The following LYST variants were observed in gnomAD, a reference collection of about 807,000 sequenced individuals.
LYST encodes lysosomal-trafficking regulator.
Under a neutral mutation model 413.6 loss-of-function variants are expected in LYST, and 192 were observed. The observed-to-expected ratio is 0.46, with a 90% CI of 0.41 to 0.52. LYST has a LOEUF of 0.52. LYST is among the 20% of genes least tolerant of loss of function. The pLI is 0.00. For synonymous variants in LYST, 1,525 were observed against 1,567.3 expected (o/e 0.97, Z 0.64); for missense variants, 3,815 against 4,499.9 (o/e 0.85, Z 4.35).
intron 50 of LYST, among the ~76,000 whole-genome samples, chr1:235,673,903 C>T (rs1267840177): frequency 1.3e-5 from 2 of 152,186 alleles, no homozygotes; most frequent in Non-Finnish European, 2.9e-5. Flanking sequence ...AAATATTCCG[C>T]TCACACCTTA....
rs1354281651 is a variant in LYST, at chr1:235,695,777, A to G, written c.10564+1306T>C. 3.3e-5 allele frequency among the ~76,000 whole-genome samples: 5 copies of G among 151,216 alleles called. No homozygotes were observed. The East Asian group carries it at 9.8e-4, about 30-fold the overall frequency. ...CCTCCCGAGTAGCTGGGACTACAGG[A>G]GCCCGCCACCACGCCCGGCTAATTT... is the stretch of plus-strand genomic sequence containing the variant. On this transcript the variant is annotated intron_variant, in intron 46 of 52. Transcript: ENST00000389793.
At chr1:235,712,506 G>A in intron 42 of LYST, 1 of 737,548 alleles carries the variant, frequency 1.4e-6, no homozygotes, top group Non-Finnish European at 1.7e-6. Context: ...AGGGCCCTGG[G>A]ATATCACCCA....
At chr1:235,836,448 A>T (rs1169298841) in intron 1 of LYST, among the ~76,000 whole-genome samples, 1 of 152,228 alleles carries the variant, frequency 6.6e-6, no homozygotes, top group Non-Finnish European at 1.5e-5. Flanking sequence ...ATGGACAAGG[A>T]AGGTCTGAAG....
intron 29 of LYST, among the ~76,000 whole-genome samples, chr1:235,745,224 T>A (rs567962131): frequency 1.7e-4 from 26 of 152,344 alleles, no homozygotes; most frequent in African/African-American, 6.0e-4. Flanking sequence ...CACTTTTTTT[T>A]ATGTGTGATG....
chr1:235,768,062 C>G (rs570517078), intron 20 of LYST, among the ~76,000 whole-genome samples: 17 of 152,214 alleles, frequency 1.1e-4, no homozygotes, highest in Admixed American at 5.2e-4. Context: ...CCTCAGTCCT[C>G]TGATTCTCTC....
Position 235,746,542 on chromosome 1 carries a change from A to T in LYST, c.7781-15T>A. ...TTTTCGAGGACCTTTAAAAGTATAT[A>T]AATTAAAACATCAAATCCCAGTGTT... On this transcript the variant is annotated splice_polypyrimidine_tract_variant and intron_variant, in intron 28 of 52. Coordinates refer to ENST00000389793, the MANE Select transcript of LYST (RefSeq NM_000081.4). 1 of 1,583,430 alleles carries T rather than the reference A, an allele frequency of 6.3e-7. No homozygotes were observed. Among genetic ancestry groups the T allele is most frequent in the Non-Finnish European group, 8.7e-7 (1 of 1,154,586 alleles).
intron 50 of LYST, among the ~76,000 whole-genome samples, chr1:235,673,328 C>T (rs777740320): frequency 2.6e-5 from 4 of 151,874 alleles, no homozygotes; most frequent in Admixed American, 2.0e-4. Flanking sequence ...TTTGTTATAC[C>T]CTGCAGGAAC....
intron 12 of LYST, 87 bp downstream of exon 12, chr1:235,791,612 A>G (rs1485797300): frequency 9.1e-7 from 1 of 1,099,588 alleles, no homozygotes; most frequent in African/African-American, 1.5e-5. Flanking sequence ...AAGAGTGTTA[A>G]GAACACTACC....
At chr1:235,726,335 G>A (rs1663869033) in intron 38 of LYST, among the ~76,000 whole-genome samples, 1 of 151,868 alleles carries the variant, frequency 6.6e-6, no homozygotes, top group Non-Finnish European at 1.5e-5. Flanking sequence ...TATAAGTAGA[G>A]GCAGGGAATA....
At chr1:235,692,314 T>C (rs760786459) in intron 47 of LYST, among the ~76,000 whole-genome samples, 8 of 150,614 alleles carry the variant, frequency 5.3e-5, no homozygotes, top group African/African-American at 1.9e-4. Context: ...GCCTGGGCGA[T>C]GGAGCGAGAC....
At chr1:235,733,317 T>G (rs1664539483) in intron 34 of LYST, among the ~76,000 whole-genome samples, 186 bp downstream of exon 34, 1 of 151,986 alleles carries the variant, frequency 6.6e-6, no homozygotes, top group African/African-American at 2.4e-5. Context: ...TTACTTTTCT[T>G]CCTCAAGAAT....
At chr1:235,801,770 C>T (rs572897845) in intron 8 of LYST, among the ~76,000 whole-genome samples, 1 of 151,992 alleles carries the variant, frequency 6.6e-6, no homozygotes, top group South Asian at 2.1e-4. Flanking sequence ...ATTAATAAAC[C>T]AATATTTTTT....
intron 50 of LYST, among the ~76,000 whole-genome samples, chr1:235,668,284 T>C (rs984612059): frequency 2.6e-4 from 39 of 152,186 alleles, no homozygotes; most frequent in Non-Finnish European, 2.8e-4. Context: ...TTAAATCTGA[T>C]AACTTTCTTT....
chr1:235,751,909 A>C (rs1666530694), intron 27 of LYST, 96 bp downstream of exon 27: 2 of 882,410 alleles, frequency 2.3e-6, no homozygotes, highest in Admixed American at 4.8e-5. Flanking sequence ...TTAAACTTTT[A>C]GTAAAAGAGT....
chr1:235,848,808 C>A (rs1678189501), intron 1 of LYST, among the ~76,000 whole-genome samples: 2 of 151,902 alleles, frequency 1.3e-5, no homozygotes, highest in Non-Finnish European at 2.9e-5. Context: ...AAAAATACAA[C>A]CCTCCTAGCT....
At chr1:235,732,369 C>T (rs1664458827) in intron 34 of LYST, among the ~76,000 whole-genome samples, 1 of 151,980 alleles carries the variant, frequency 6.6e-6, no homozygotes, top group Non-Finnish European at 1.5e-5. Flanking sequence ...GTGGCATGTT[C>T]ATAGCTCACT....
At chr1:235,757,935 C>A (rs1005453560) in intron 23 of LYST, among the ~76,000 whole-genome samples, 2 of 149,218 alleles carry the variant, frequency 1.3e-5, no homozygotes, top group African/African-American at 4.9e-5. Context: ...GGAGTCTAGG[C>A]ATGTCAGAAA....
Position 235,817,689 on chromosome 1 carries a change from G to A in LYST, c.193-4628C>T, listed in dbSNP as rs942083409. 3.9e-5 allele frequency among the ~76,000 whole-genome samples: 6 copies of A among 152,178 alleles called. No homozygotes were observed. In the South Asian group the frequency reaches 1.0e-3, roughly 26 times the overall value. ...TGGGTACACATGGACACAAAGAAGG[G>A]AACAGCCACTGGGGCCTCTTTCAGG... On this transcript the variant is annotated intron_variant, in intron 3 of 52. Coordinates refer to ENST00000389793, the MANE Select transcript of LYST (RefSeq NM_000081.4).
At chr1:235,823,735 T>C (rs1675030428) in intron 3 of LYST, among the ~76,000 whole-genome samples, 1 of 152,240 alleles carries the variant, frequency 6.6e-6, no homozygotes, top group Non-Finnish European at 1.5e-5. Flanking sequence ...GCAATTCTTC[T>C]GGTCTGGTGT....
Sources: gnomAD v4.1 joint callset for allele counts (sites outside exome capture counted in the v4.1 genomes callset) on GRCh38, gnomAD v4.1.1 for gene constraint, MANE v1.5 for transcripts, NCBI Gene and HGNC (gene_info 2026-07-23, HGNC 2026-07-21) for gene names.